IL18R1: variants seen among roughly 807,000 people sequenced by gnomAD.
IL18R1 encodes the protein interleukin-18 receptor 1.
In IL18R1, 40 loss-of-function variants were observed where a neutral mutation model predicts 48.5. The observed-to-expected ratio is 0.82, with a 90% CI of 0.64 to 1.07. The LOEUF is 1.07. Ranked by LOEUF, IL18R1 falls within the 50% of genes least tolerant of loss-of-function variation. The pLI, the probability that IL18R1 is intolerant of heterozygous loss-of-function variation, is 0.00. For synonymous variants in IL18R1, 232 were observed against 225.9 expected (o/e 1.03, Z -0.24); for missense variants, 596 against 633.7 (o/e 0.94, Z 0.64).
intron 7 of IL18R1, 106 bp downstream of exon 7, chr2:102,385,104 C>T: frequency 1.8e-6 from 1 of 567,402 alleles, no homozygotes; most frequent in South Asian, 3.2e-5. Context: ...GTATTTTGGG[C>T]TAGTTTAAAT....
rs763001149 is a variant in IL18R1 at position 102,394,437 on chromosome 2, C to T, written c.1112-32C>T. On this transcript the variant is annotated intron_variant, in intron 9 of 10. Transcript: ENST00000233957. ...GTACTTAAATAAAATTTTATTTACA[C>T]ATGAATTAAAAGAGCCAATCTTACC... The T allele has an allele frequency of 1.8e-5, 27 of 1,533,568 alleles. No homozygotes were observed. In the Admixed American group the frequency reaches 3.6e-4, roughly 20 times the overall value. The allele number at this position is 1,533,568 out of a possible 1,614,324, so 95.0% of individuals were successfully genotyped here. A position where few individuals can be genotyped will look rare whatever the true frequency, so the allele number is the denominator to read the frequency against.
At chr2:102,394,166 A>G (rs565014228) in intron 9 of IL18R1, among the ~76,000 whole-genome samples, 9 of 151,986 alleles carry the variant, frequency 5.9e-5, no homozygotes, top group South Asian at 2.1e-4. Context: ...GAATGAGGAC[A>G]CCTTTGGGCT....
At chr2:102,357,974 T>C (rs977568628) in intron 1 of IL18R1, among the ~76,000 whole-genome samples, 4 of 151,730 alleles carry the variant, frequency 2.6e-5, no homozygotes, top group Non-Finnish European at 5.9e-5. Context: ...AAAACGACTA[T>C]GCATGGAACA....
At chr2:102,377,780 C>G (rs1333708428) in intron 5 of IL18R1, among the ~76,000 whole-genome samples, 1 of 152,208 alleles carries the variant, frequency 6.6e-6, no homozygotes, top group African/African-American at 2.4e-5. Flanking sequence ...CTTGAGACAG[C>G]ATTGTGCCCA....
At chr2:102,372,219 C>A in intron 4 of IL18R1, 101 bp downstream of exon 4, 1 of 936,016 alleles carries the variant, frequency 1.1e-6, no homozygotes, top group Admixed American at 3.3e-5. Context: ...AACAAATAAG[C>A]TGCCTGATCC....
chr2:102,397,072 T>C lies in IL18R1; in HGVS notation c.*186T>C, dbSNP rs1256372857. The C allele has an allele frequency of 9.7e-6, 5 of 515,696 alleles. No homozygotes were observed. The highest frequency in any genetic ancestry group is 1.7e-5 in the Non-Finnish European group (5 of 294,934). The allele number at this position is 515,696 out of a possible 1,614,324, so 31.9% of individuals were successfully genotyped here. On this transcript the variant is annotated 3_prime_UTR_variant, in exon 11 of 11. Coordinates refer to ENST00000233957, the MANE Select transcript of IL18R1 (RefSeq NM_003855.5). The stretch of plus-strand genomic sequence containing the variant: ...CTAAAGATTGCGCTGTGGGCTGTGG[T>C]CACGTGCTCCCAGAAGACCTGGAAT...
At chr2:102,358,169 C>T (rs1195076119) in intron 1 of IL18R1, among the ~76,000 whole-genome samples, 8 of 152,022 alleles carry the variant, frequency 5.3e-5, no homozygotes, top group African/African-American at 1.7e-4. Context: ...TTCCTCAAAT[C>T]TCAGGTTCCT....
chr2:102,359,430 T>A (rs1487953498), intron 1 of IL18R1, among the ~76,000 whole-genome samples: 1 of 152,098 alleles, frequency 6.6e-6, no homozygotes, highest in East Asian at 1.9e-4. Flanking sequence ...AATATAAAAT[T>A]TGTCATATAT....
At chr2:102,374,775 CT>C (rs1317444958) in intron 4 of IL18R1, among the ~76,000 whole-genome samples, 1 of 136,796 alleles carries the variant, frequency 7.3e-6, no homozygotes, top group African/African-American at 2.6e-5. Flanking sequence ...GATACTCCGT[CT>C]CAAAAAAAAA....
intron 3 of IL18R1, among the ~76,000 whole-genome samples, chr2:102,368,336 A>G (rs1047670086): frequency 6.6e-6 from 1 of 152,226 alleles, no homozygotes; most frequent in Admixed American, 6.5e-5. Context: ...CGATTGCATG[A>G]AAGTCAGTTT....
Position 102,371,981 on chromosome 2 carries a change from G to A in IL18R1, c.331G>A (p.Val111Ile), listed in dbSNP as rs764729992. 1.3e-6 allele frequency: 2 copies of A among 1,561,050 alleles called. No individual in the cohort carries two copies. The highest frequency in any genetic ancestry group is 1.7e-6 in the Non-Finnish European group (2 of 1,144,108). Residue 111 changes from valine (V) to isoleucine (I), a missense_variant, in exon 4 of 11, where the codon GTC (valine) becomes ATC (isoleucine). Val to Ile is a conservative substitution (Grantham distance 29). Transcript: ENST00000233957. ...TTATACTCAGAAATGGAAATTAAAT[G>A]TCATCAGAAGAAATAAACACAGCTG... The part of the protein sequence containing the change: ...KNYTQKWKLN[V>I]IRRNKHSCFT...
chr2:102,365,896 G>T (rs1559618735), intron 2 of IL18R1, among the ~76,000 whole-genome samples: 1 of 152,170 alleles, frequency 6.6e-6, no homozygotes, highest in Non-Finnish European at 1.5e-5. Flanking sequence ...GGCTGGAGGG[G>T]TAGGATGCAG....
At chr2:102,360,520 C>G (rs573960705) in intron 1 of IL18R1, among the ~76,000 whole-genome samples, 2 of 152,200 alleles carry the variant, frequency 1.3e-5, no homozygotes, top group African/African-American at 2.4e-5. Context: ...ATCTCGGCCT[C>G]CCAAAGTGCT....
intron 2 of IL18R1, among the ~76,000 whole-genome samples, chr2:102,363,666 C>T (rs1678717426): frequency 6.6e-6 from 1 of 150,700 alleles, no homozygotes; most frequent in Non-Finnish European, 1.5e-5. Context: ...GGCACAGAAA[C>T]AGCCATGCAG....
At chr2:102,370,759 A>G (rs920887074) in intron 3 of IL18R1, among the ~76,000 whole-genome samples, 2 of 152,222 alleles carry the variant, frequency 1.3e-5, no homozygotes, top group African/African-American at 4.8e-5. Flanking sequence ...GCCTAAGGAA[A>G]ATAGTCATCT....
chr2:102,367,104 A>C (rs1678948130), intron 2 of IL18R1, among the ~76,000 whole-genome samples: 1 of 152,192 alleles, frequency 6.6e-6, no homozygotes, highest in South Asian at 2.1e-4. Flanking sequence ...ACAAGTGCCG[A>C]AAGAGGGGAA....
intron 7 of IL18R1, among the ~76,000 whole-genome samples, chr2:102,385,429 C>T (rs911350078): frequency 6.6e-6 from 1 of 152,054 alleles, no homozygotes; most frequent in Non-Finnish European, 1.5e-5. Flanking sequence ...GTTAAATAAG[C>T]CTATATTCTT....
intron 4 of IL18R1, among the ~76,000 whole-genome samples, chr2:102,373,468 G>C (rs1679387984): frequency 6.6e-6 from 1 of 152,054 alleles, no homozygotes; most frequent in Non-Finnish European, 1.5e-5. Flanking sequence ...TGTGTGGGGT[G>C]GGAGGGTAGG....
intron 7 of IL18R1, among the ~76,000 whole-genome samples, chr2:102,386,432 T>A (rs1425907974): frequency 6.6e-6 from 1 of 152,254 alleles, no homozygotes; most frequent in Admixed American, 6.5e-5. Flanking sequence ...AACCAGTTTG[T>A]TGGATTCCAT....
Sources: allele counts gnomAD v4.1 joint callset (sites outside exome capture counted in the v4.1 genomes callset), GRCh38; gene constraint gnomAD v4.1.1; transcripts MANE v1.5; gene names NCBI Gene and HGNC (gene_info 2026-07-23, HGNC 2026-07-21).